The following MAGI2 variants were observed in gnomAD, a reference collection of about 807,000 sequenced individuals.
MAGI2 encodes membrane-associated guanylate kinase, WW and PDZ domain-containing protein 2.
Under a neutral mutation model 133.3 loss-of-function variants are expected in MAGI2, and 35 were observed. The observed-to-expected ratio is 0.26, with a 90% CI of 0.20 to 0.35. The LOEUF is 0.35. MAGI2 is among the 10% of genes least tolerant of loss of function. The pLI, the probability that MAGI2 is intolerant of heterozygous loss-of-function variation, is 1.00. For synonymous variants in MAGI2, 729 were observed against 710.6 expected, an observed-to-expected ratio of 1.03 and a Z score of -0.41; for missense variants, 1,636 against 1,863.4, an observed-to-expected ratio of 0.88 and a Z score of 2.25.
At chr7:78,039,958 T>A (rs1326011684) in intron 21 of MAGI2, among the ~76,000 whole-genome samples, 2 of 152,158 alleles carry the variant, frequency 1.3e-5, no homozygotes, top group Non-Finnish European at 2.9e-5. Flanking sequence ...ATGAACCTCC[T>A]AGCAACCTGC....
At chr7:78,844,615 T>C (rs1792434601) in intron 2 of MAGI2, among the ~76,000 whole-genome samples, 1 of 151,822 alleles carries the variant, frequency 6.6e-6, no homozygotes, top group Admixed American at 6.6e-5. Flanking sequence ...AGACATAAAA[T>C]AGACGAGTGG....
At chr7:78,328,510 C>CACACACACACACAA (rs1788818977) in intron 9 of MAGI2, among the ~76,000 whole-genome samples, 1 of 104,762 alleles carries the variant, frequency 9.5e-6, no homozygotes, top group Admixed American at 9.2e-5. Flanking sequence ...AAAACACACA[C>CACACACACACACAA]ACACACACAC....
At chr7:78,678,763 A>G (rs972706426) in intron 2 of MAGI2, among the ~76,000 whole-genome samples, 1 of 152,158 alleles carries the variant, frequency 6.6e-6, no homozygotes, top group Non-Finnish European at 1.5e-5. Flanking sequence ...TAGACTCATT[A>G]TGTGAATTTT....
At chr7:78,797,529 G>A (rs1197198260) in intron 2 of MAGI2, among the ~76,000 whole-genome samples, 2 of 152,030 alleles carry the variant, frequency 1.3e-5, no homozygotes, top group African/African-American at 2.4e-5. Flanking sequence ...TTATGTGAAT[G>A]AATTTTAAGA....
At chr7:78,372,321 A>G (rs1794000048) in intron 6 of MAGI2, among the ~76,000 whole-genome samples, 1 of 152,162 alleles carries the variant, frequency 6.6e-6, no homozygotes, top group African/African-American at 2.4e-5. Flanking sequence ...TCACTGTGAA[A>G]ATTAAGCTAT....
intron 1 of MAGI2, among the ~76,000 whole-genome samples, chr7:79,234,402 T>A (rs570672824): frequency 1.3e-5 from 2 of 152,114 alleles, no homozygotes; most frequent in Admixed American, 1.3e-4. Context: ...TCCAACTTGG[T>A]TCCATTCTCC....
intron 1 of MAGI2, among the ~76,000 whole-genome samples, chr7:79,370,935 T>C (rs1843009423): frequency 6.6e-6 from 1 of 152,088 alleles, no homozygotes; most frequent in Non-Finnish European, 1.5e-5. Context: ...TTCTCACTCT[T>C]GAATCCAGTT....
At chr7:78,225,233 T>G (rs925902431) in intron 10 of MAGI2, among the ~76,000 whole-genome samples, 2 of 152,196 alleles carry the variant, frequency 1.3e-5, no homozygotes, top group African/African-American at 4.8e-5. Context: ...TTTATCCCCG[T>G]GAGCAGGTTG....
intron 2 of MAGI2, among the ~76,000 whole-genome samples, chr7:79,003,641 A>C (rs1807123935): frequency 6.6e-6 from 1 of 152,188 alleles, no homozygotes; most frequent in African/African-American, 2.4e-5. Context: ...TACTTATTTA[A>C]GTTTCTAACA....
intron 16 of MAGI2, among the ~76,000 whole-genome samples, chr7:78,146,807 T>TTACGGATCCAG (rs1466132334): frequency 1.3e-5 from 2 of 152,192 alleles, no homozygotes; most frequent in Non-Finnish European, 1.5e-5. Flanking sequence ...CCAGTGTATT[T>TTACGGATCCAG]TATCTCTGCC....
At chr7:79,089,021 A>G (rs991822591) in intron 1 of MAGI2, among the ~76,000 whole-genome samples, 1 of 152,116 alleles carries the variant, frequency 6.6e-6, no homozygotes, top group African/African-American at 2.4e-5. Flanking sequence ...CAACCTACAG[A>G]ATGGGAGAAA....
Position 79,450,316 on chromosome 7 carries a change from G to A in MAGI2, c.301+2704C>T, listed in dbSNP as rs181116175. Among the ~76,000 whole-genome samples the A allele has an allele frequency of 5.7e-3, 862 of 151,858 alleles. 4 individuals are homozygous for A. Among genetic ancestry groups the A allele is most frequent in the African/African-American group, 0.02 (812 of 41,412 alleles). On this transcript the variant is annotated intron_variant, in intron 1 of 21. Transcript: ENST00000354212. ...TCTGTATTGAAACCTAAGACACACA[G>A]GCACTATAGTAAAGGTTCTGAAAAA...
At chr7:78,985,034 T>C (rs992200075) in intron 2 of MAGI2, among the ~76,000 whole-genome samples, 1 of 151,762 alleles carries the variant, frequency 6.6e-6, no homozygotes, top group Non-Finnish European at 1.5e-5. Context: ...TTGGGTCTTG[T>C]TCTGTTGTCC....
At chr7:78,281,272 C>T (rs1370263684) in intron 9 of MAGI2, among the ~76,000 whole-genome samples, 1 of 151,800 alleles carries the variant, frequency 6.6e-6, no homozygotes, top group Non-Finnish European at 1.5e-5. Flanking sequence ...TTGGCTGTGT[C>T]CCCACCCAAA....
At chr7:78,585,679 G>A (rs1029750620) in intron 3 of MAGI2, among the ~76,000 whole-genome samples, 5 of 152,180 alleles carry the variant, frequency 3.3e-5, no homozygotes, top group African/African-American at 7.2e-5. Context: ...GTGCCCAGGG[G>A]AAGCAATGGC....
At chr7:78,050,834 T>C (rs2151107806) in intron 21 of MAGI2, among the ~76,000 whole-genome samples, 1 of 152,344 alleles carries the variant, frequency 6.6e-6, no homozygotes, top group East Asian at 1.9e-4. Flanking sequence ...GGCAAAGGCA[T>C]TCTTACCAGG....
chr7:79,396,349 G>A (rs185687238), intron 1 of MAGI2, among the ~76,000 whole-genome samples: 1 of 152,258 alleles, frequency 6.6e-6, no homozygotes, highest in African/African-American at 2.4e-5. Flanking sequence ...AACAGAAGGG[G>A]ATCAGTCCCA....
At chr7:78,985,661 A>G (rs1805190179) in intron 2 of MAGI2, among the ~76,000 whole-genome samples, 1 of 152,036 alleles carries the variant, frequency 6.6e-6, no homozygotes. Context: ...AAGTCACTTA[A>G]TTTTGTTTAA....
intron 5 of MAGI2, among the ~76,000 whole-genome samples, chr7:78,498,282 T>A (rs1324539010): frequency 6.6e-6 from 1 of 152,210 alleles, no homozygotes; most frequent in African/African-American, 2.4e-5. Context: ...GGACTACCTC[T>A]GAGACACATG....
Sources: gnomAD v4.1 joint callset for allele counts (sites outside exome capture counted in the v4.1 genomes callset) on GRCh38, gnomAD v4.1.1 for gene constraint, MANE v1.5 for transcripts, NCBI Gene and HGNC (gene_info 2026-07-23, HGNC 2026-07-21) for gene names.